The following NOD1 variants were observed in gnomAD, a reference collection of about 807,000 sequenced individuals.
The protein encoded by NOD1 is nucleotide-binding oligomerization domain-containing protein 1.
In NOD1, 70 loss-of-function variants were observed where a neutral mutation model predicts 81.2. The observed-to-expected ratio is 0.86, with a 90% confidence interval of 0.71 to 1.05. The LOEUF is 1.05. Among genes scored for constraint, NOD1 ranks in the 50% least tolerant of loss-of-function variants. The probability of loss-of-function intolerance (pLI) is 0.00; values close to 1 mark genes in which losing one functional copy is unlikely to be tolerated. For synonymous variants in NOD1, 508 were observed against 526.9 expected (o/e 0.96, Z 0.49); for missense variants, 1,233 against 1,228.0 (o/e 1.00, Z -0.06).
In NOD1 at chr7:30,456,721, C is replaced by A. The variant is rs752958736; in HGVS notation, c.201G>T (p.Lys67Asn). ...ATGCCCGTCCCTGTCCCCGGGGCAC[C>A]TTGTCAGGCTGGGTGGGGCAGGCAC... Reference protein sequence around the residue: ...IVCACPTQPDKVRKILDLVQS... With the variant: ...IVCACPTQPDNVRKILDLVQS... The change falls in exon 4 of 14, where the codon AAG becomes AAT. Residue 67 changes from lysine to asparagine, a missense_variant and splice_region_variant. Lys to Asn is a moderately conservative substitution (Grantham distance 94). Transcript: ENST00000222823. 13 of 1,613,816 alleles carry A rather than the reference C, an allele frequency of 8.1e-6. No individual in the cohort carries two copies. In the South Asian group the frequency reaches 1.4e-4, roughly 18 times the overall value.
At chr7:30,453,152 C>T in intron 5 of NOD1, 112 bp from the exon 6 acceptor site, 4 of 1,226,040 alleles carry the variant, frequency 3.3e-6, no homozygotes, top group Non-Finnish European at 4.5e-6. Flanking sequence ...AAATTCACAA[C>T]CTGGGCCCTG....
chr7:30,433,055 A>G (rs767002932), intron 12 of NOD1, 41 bp downstream of exon 12: 9 of 1,436,608 alleles, frequency 6.3e-6, no homozygotes, highest in Non-Finnish European at 8.8e-6. Context: ...AATACTTTTG[A>G]AAAGTAGCAC....
At position 30,452,153 on chromosome 7, in the gene NOD1, T is replaced by C. The variant is rs1474675032; in HGVS notation, c.1264A>G (p.Thr422Ala). The C allele has an allele frequency of 6.2e-7, 1 of 1,613,936 alleles. No individual in the cohort carries two copies. Among genetic ancestry groups the C allele is most frequent in the Non-Finnish European group, 8.5e-7 (1 of 1,180,012 alleles). The change falls in exon 6 of 14, where the codon ACA becomes GCA. Residue 422 changes from threonine to alanine, a missense_variant. Thr to Ala is a moderately conservative substitution (Grantham distance 58). Coordinates refer to ENST00000222823, the MANE Select transcript of NOD1 (RefSeq NM_006092.4). ...TCAGTGACCAGGAGGAAGACATCTG[T>C]CAGGGTCATCGTGCAGTCGGGCAGC... Reference protein sequence around the residue: ...PQLPDCTMTLTDVFLLVTEVH... With the variant: ...PQLPDCTMTLADVFLLVTEVH...
chr7:30,462,788 A>G (rs1787255526), intron 1 of NOD1, among the ~76,000 whole-genome samples: 1 of 152,048 alleles, frequency 6.6e-6, no homozygotes, highest in Admixed American at 6.6e-5. Context: ...GTCTCCACGA[A>G]AAATACAAAA....
intron 7 of NOD1, chr7:30,447,307 A>C (rs1417002531): frequency 1.9e-6 from 1 of 520,196 alleles, no homozygotes; most frequent in African/African-American, 1.9e-5. Flanking sequence ...ATACAGAGGT[A>C]ATGATGATAG....
At chr7:30,466,058 CT>C (rs1787659559) in intron 1 of NOD1, among the ~76,000 whole-genome samples, 2 of 152,358 alleles carry the variant, frequency 1.3e-5, no homozygotes, top group Non-Finnish European at 2.9e-5. Context: ...TCTCTGCAAC[CT>C]TGGCGGCCAC....
chr7:30,471,475 G>A (rs1010636005), intron 1 of NOD1, among the ~76,000 whole-genome samples: 2 of 152,266 alleles, frequency 1.3e-5, no homozygotes, highest in Non-Finnish European at 2.9e-5. Flanking sequence ...TGCTAAGGAT[G>A]TGGGTCCCAC....
chr7:30,437,417 G>C (rs1476115415), intron 10 of NOD1, among the ~76,000 whole-genome samples, 156 bp downstream of exon 10: 1 of 152,134 alleles, frequency 6.6e-6, no homozygotes, highest in Non-Finnish European at 1.5e-5. Context: ...TTTACTAGAT[G>C]GCCTCTTATG....
At chr7:30,446,518 G>A (rs1043531187) in intron 8 of NOD1, 8 of 444,906 alleles carry the variant, frequency 1.8e-5, no homozygotes, top group South Asian at 1.0e-4. Flanking sequence ...GACTTCCCTC[G>A]GGAGACCTGG....
chr7:30,463,165 A>C (rs369456248), intron 1 of NOD1, among the ~76,000 whole-genome samples: 1 of 152,150 alleles, frequency 6.6e-6, no homozygotes, highest in Admixed American at 6.5e-5. Flanking sequence ...GTGTATGTAT[A>C]TATATGAATA....
intron 1 of NOD1, chr7:30,468,962 G>A (rs1787983087): frequency 1.7e-5 from 17 of 985,468 alleles, no homozygotes; most frequent in Non-Finnish European, 2.0e-5. Flanking sequence ...CAAGCTGGGT[G>A]GATGAAGCCA....
chr7:30,473,701 T>C (rs1309669131), intron 1 of NOD1, among the ~76,000 whole-genome samples: 2 of 152,108 alleles, frequency 1.3e-5, no homozygotes, highest in African/African-American at 2.4e-5. Context: ...TTTCCAGAAA[T>C]ATGGCCCTAC....
chr7:30,448,463 C>T (rs772605825), intron 6 of NOD1, 82 bp from the exon 7 acceptor site: 2 of 1,191,358 alleles, frequency 1.7e-6, no homozygotes, highest in Non-Finnish European at 2.5e-6. Flanking sequence ...GATCCAGAAG[C>T]CTTCAGGCCC....
intron 1 of NOD1, among the ~76,000 whole-genome samples, chr7:30,466,425 C>T (rs543394814): frequency 1.4e-4 from 21 of 152,102 alleles, no homozygotes; most frequent in Admixed American, 1.4e-3. Flanking sequence ...TGCATCAGCT[C>T]AGGCCCACAA....
chr7:30,436,177 G>T, intron 10 of NOD1, 96 bp from the exon 11 acceptor site: 1 of 988,194 alleles, frequency 1.0e-6, no homozygotes, highest in Non-Finnish European at 1.6e-6. Context: ...CTGCCTGGCT[G>T]TGGCCCCAGC....
At chr7:30,429,760 A>G (rs1176613670) in intron 12 of NOD1, among the ~76,000 whole-genome samples, 1 of 152,180 alleles carries the variant, frequency 6.6e-6, no homozygotes, top group Non-Finnish European at 1.5e-5. Flanking sequence ...GGCCGGGTGC[A>G]GTGGCTCACA....
Position 30,451,992 on chromosome 7 carries a change from G to C in NOD1, c.1425C>G (p.Leu475=). ...QVAHRGMEKS[L]FVFTQEEVQA... Reference sequence around the variant, plus strand: ...GCACCTCCTCCTGGGTGAAGACAAAGAGGCTCTTCTCCATGCCCCGGTGGG... The same window carrying C: ...GCACCTCCTCCTGGGTGAAGACAAACAGGCTCTTCTCCATGCCCCGGTGGG... The change falls in exon 6 of 14, where the codon CTC becomes CTG. Residue 475 remains leucine, a synonymous_variant. Transcript: ENST00000222823. The surrounding 1 kb of genome is among the most constrained non-coding windows in gnomAD (Gnocchi z 4.2). 6.2e-7 allele frequency: 1 copy of C among 1,613,596 alleles called. No individual in the cohort carries two copies. Among genetic ancestry groups the C allele is most frequent in the South Asian group, 1.1e-5 (1 of 91,088 alleles).
At chr7:30,462,577 A>G (rs1231319655) in intron 1 of NOD1, among the ~76,000 whole-genome samples, 1 of 152,188 alleles carries the variant, frequency 6.6e-6, no homozygotes, top group African/African-American at 2.4e-5. Context: ...ACAATTCAAC[A>G]ATAAATGCCA....
In NOD1 at chr7:30,425,652, T is replaced by C; in HGVS notation, c.2848A>G (p.Ile950Val). Residue 950 changes from isoleucine to valine, a missense_variant, in exon 14 of 14, where the codon ATT becomes GTT. Transcript: ENST00000222823. Reference sequence around the variant, plus strand: ...AAAGCATCCTCTCAGAAACAGATAATCCGCTTCTCATCTTCATAGACTTTG... The same window carrying C: ...AAAGCATCCTCTCAGAAACAGATAACCCGCTTCTCATCTTCATAGACTTTG... ...EAKVYEDEKR[I>V]ICF 6.2e-7 allele frequency: 1 copy of C among 1,613,414 alleles called. No homozygotes were observed.
Sources: gnomAD v4.1 joint callset for allele counts (sites outside exome capture counted in the v4.1 genomes callset) on GRCh38, gnomAD v4.1.1 for gene constraint, Gnocchi (gnomAD v3.1) non-coding constraint, MANE v1.5 for transcripts, NCBI Gene and HGNC (gene_info 2026-07-23, HGNC 2026-07-21) for gene names.